Variants in RCOR3 observed in about 807,000 individuals in gnomAD.
RCOR3 encodes REST corepressor 3.
RCOR3 carries 13 observed loss-of-function variants against 64.1 expected under a neutral mutation model. The ratio of observed to expected loss-of-function variants is 0.20; its 90% CI spans 0.13 to 0.32. The LOEUF (loss-of-function observed/expected upper bound fraction) is 0.32, where lower values mean the gene tolerates loss of function less well. Ranked by LOEUF, RCOR3 falls within the 10% of genes least tolerant of loss-of-function variation. RCOR3 has a pLI of 1.00. For synonymous variants in RCOR3, 215 were observed against 239.0 expected (o/e 0.90, Z 0.93); for missense variants, 489 against 701.2 (o/e 0.70, Z 3.42).
rs912603011 is a variant in RCOR3 at position 211,259,881 on chromosome 1, C to G, written c.166+155C>G. The stretch of plus-strand genomic sequence containing the variant: ...TCCCGGTGCAGTGCAGCAGCACCCC[C>G]GCGACCCCCCGTCCCTCCGCCCTCG... On this transcript the variant is annotated intron_variant, in intron 1 of 11. Transcript: ENST00000419091. 67 of 1,098,670 alleles carry G rather than the reference C, an allele frequency of 6.1e-5. No individual in the cohort carries two copies. The African/African-American group carries it at 1.0e-3, about 17-fold the overall frequency. The allele number at this position is 1,098,670 out of a possible 1,614,324, so 68.1% of individuals were successfully genotyped here. A position where few individuals can be genotyped will look rare whatever the true frequency, so the allele number is the denominator to read the frequency against.
At chr1:211,293,086 A>AAAATAAATAAAT (rs10524651) in intron 8 of RCOR3, among the ~76,000 whole-genome samples, 24,845 of 142,756 alleles carry the variant, frequency 0.17, 2,742 homozygotes, top group African/African-American at 0.29. Context: ...TCTGTCTCCA[A>AAAATAAATAAAT]AAATAAATAA....
chr1:211,273,272 A>C (rs1044669102), intron 3 of RCOR3, among the ~76,000 whole-genome samples: 1 of 152,164 alleles, frequency 6.6e-6, no homozygotes, highest in African/African-American at 2.4e-5. Flanking sequence ...TAATCATAGG[A>C]GGAAGGTACT....
Position 211,259,463 on chromosome 1 carries a change from C to A in RCOR3, c.-98C>A. 1.6e-6 allele frequency: 2 copies of A among 1,265,048 alleles called. No homozygotes were observed. Among genetic ancestry groups the A allele is most frequent in the South Asian group, 1.4e-5 (1 of 69,794 alleles). The allele number at this position is 1,265,048 out of a possible 1,614,324, so 78.4% of individuals were successfully genotyped here. On this transcript the variant is annotated 5_prime_UTR_variant, in exon 1 of 12. Coordinates refer to ENST00000419091, the MANE Select transcript of RCOR3 (RefSeq NM_001136223.3). Reference sequence around the variant, plus strand: ...CCTCCGCCGCCGCCGCCGTCTCCTCCTCCTCCTCCTTTCCCTCCCGCCCGC... The same window carrying A: ...CCTCCGCCGCCGCCGCCGTCTCCTCATCCTCCTCCTTTCCCTCCCGCCCGC...
At chr1:211,305,954 A>G (rs548897952) in intron 10 of RCOR3, among the ~76,000 whole-genome samples, 1 of 152,306 alleles carries the variant, frequency 6.6e-6, no homozygotes, top group South Asian at 2.1e-4. Flanking sequence ...CCTGTAAGTT[A>G]CACTAATGCA....
At position 211,313,241 on chromosome 1, in the gene RCOR3, GT is replaced by G; in HGVS notation, c.1318-178del. 7.0e-7 allele frequency: 1 copy of G among 1,429,516 alleles called. No homozygotes were observed. The highest frequency in any genetic ancestry group is 9.1e-7 in the Non-Finnish European group (1 of 1,098,292). The allele number at this position is 1,429,516 out of a possible 1,614,324, so 88.6% of individuals were successfully genotyped here. On this transcript the variant is annotated intron_variant, in intron 11 of 11. Coordinates refer to ENST00000419091, the MANE Select transcript of RCOR3 (RefSeq NM_001136223.3). This position sits in a 1 kb window ranked among gnomAD's most constrained non-coding sequence, Gnocchi z 4.7. ...AGATGCCTGTTTGGTAGCCTCATTGGTTTTTGGTTTTTGGTTTTGTTTTGTT... is the reference window on the plus strand; with the variant it reads ...AGATGCCTGTTTGGTAGCCTCATTGGTTTTGGTTTTTGGTTTTGTTTTGTT...
intron 2 of RCOR3, chr1:211,261,344 G>A (rs1256287911): frequency 4.6e-5 from 7 of 152,206 alleles, no homozygotes; most frequent in Non-Finnish European, 8.8e-5. Context: ...TGTCCCAAGT[G>A]AGGAGGATGA....
At chr1:211,289,918 G>GTT (rs1189194960) in intron 8 of RCOR3, among the ~76,000 whole-genome samples, 1 of 152,140 alleles carries the variant, frequency 6.6e-6, no homozygotes, top group Non-Finnish European at 1.5e-5. Context: ...ATCTCTTCCT[G>GTT]TGTAACCTTA....
At chr1:211,282,094 A>G (rs1052326548) in intron 7 of RCOR3, among the ~76,000 whole-genome samples, 1 of 152,216 alleles carries the variant, frequency 6.6e-6, no homozygotes, top group Non-Finnish European at 1.5e-5. Flanking sequence ...TATATATGGA[A>G]TATATAGTTT....
intron 3 of RCOR3, among the ~76,000 whole-genome samples, chr1:211,273,530 G>C (rs1696534071): frequency 6.6e-6 from 1 of 152,210 alleles, no homozygotes; most frequent in African/African-American, 2.4e-5. Context: ...ACATAAAACT[G>C]AGTTCTGGTG....
At chr1:211,301,187 C>G (rs1408815203) in intron 9 of RCOR3, among the ~76,000 whole-genome samples, 1 of 152,110 alleles carries the variant, frequency 6.6e-6, no homozygotes, top group Non-Finnish European at 1.5e-5. Flanking sequence ...CCAGAGTCTT[C>G]AAAATTGTGT....
intron 8 of RCOR3, 65 bp from the exon 9 acceptor site, chr1:211,295,607 CTTAA>C (rs1699783723): frequency 7.9e-7 from 1 of 1,272,748 alleles, no homozygotes; most frequent in African/African-American, 1.5e-5. Flanking sequence ...ATTCTTTTCA[CTTAA>C]TTGAGTACTC....
At chr1:211,286,839 T>C (rs985820962) in intron 7 of RCOR3, among the ~76,000 whole-genome samples, 2 of 152,348 alleles carry the variant, frequency 1.3e-5, no homozygotes, top group South Asian at 4.1e-4. Flanking sequence ...TTTGTTTAGA[T>C]TTACCCACAT....
chr1:211,273,301 G>A (rs1431184203), intron 3 of RCOR3, among the ~76,000 whole-genome samples: 2 of 152,074 alleles, frequency 1.3e-5, no homozygotes, highest in Non-Finnish European at 2.9e-5. Flanking sequence ...CAACTATTTA[G>A]AGTGAGGAAA....
At chr1:211,275,749 G>A (rs543146143) in intron 4 of RCOR3, among the ~76,000 whole-genome samples, 4 of 152,132 alleles carry the variant, frequency 2.6e-5, no homozygotes, top group Non-Finnish European at 5.9e-5. Flanking sequence ...AATTGTTAAA[G>A]TTGCAGTGGA....
rs200165280 is a variant in RCOR3 at position 211,262,827 on chromosome 1, T to TC, written c.223+2663_223+2664insC. The stretch of plus-strand genomic sequence containing the variant: ...GTGATTTTGCATGGCCACTGGTTTT[T>TC]TTTTTTTTGAAGAAGCTATTTTTAT... On this transcript the variant is annotated intron_variant, in intron 2 of 11. Transcript: ENST00000419091. Among the ~76,000 whole-genome samples, 965 of 151,504 alleles carry TC rather than the reference T, an allele frequency of 6.4e-3. 7 individuals are homozygous for TC. The highest frequency in any genetic ancestry group is 0.01 in the Admixed American group (157 of 15,194).
At chr1:211,285,762 C>T (rs1018916284) in intron 7 of RCOR3, among the ~76,000 whole-genome samples, 1 of 152,224 alleles carries the variant, frequency 6.6e-6, no homozygotes, top group Non-Finnish European at 1.5e-5. Context: ...ATTCTTACTG[C>T]TTGCCTACTT....
At chr1:211,285,189 G>T (rs1437532498) in intron 7 of RCOR3, among the ~76,000 whole-genome samples, 1 of 152,060 alleles carries the variant, frequency 6.6e-6, no homozygotes, top group Non-Finnish European at 1.5e-5. Flanking sequence ...TTCTCTTGCT[G>T]AACTGGTTAG....
Position 211,315,402 on chromosome 1 carries a change from G to A in RCOR3, c.*1634G>A, listed in dbSNP as rs190500699. The A allele has an allele frequency of 5.3e-5, 8 of 152,098 alleles. No individual in the cohort carries two copies. The highest frequency in any genetic ancestry group is 1.2e-4 in the African/African-American group (5 of 41,488). 9.4% of individuals were successfully genotyped at this position (152,098 alleles called of 1,614,324 possible). A position where few individuals can be genotyped will look rare whatever the true frequency, so the allele number is the denominator to read the frequency against. On this transcript the variant is annotated 3_prime_UTR_variant, in exon 12 of 12. Transcript: ENST00000419091. The stretch of plus-strand genomic sequence containing the variant: ...CTGTGTATTTCCATAAATACCCTAC[G>A]TACTGGCATATTTGAAACTCTTTTT...
At chr1:211,294,848 G>A (rs1011753202) in intron 8 of RCOR3, among the ~76,000 whole-genome samples, 4 of 151,770 alleles carry the variant, frequency 2.6e-5, no homozygotes, top group African/African-American at 4.8e-5. Flanking sequence ...CTTGGCCTCC[G>A]AAAGTGCTGG....
Sources: gnomAD v4.1 joint callset for allele counts (sites outside exome capture counted in the v4.1 genomes callset) on GRCh38, gnomAD v4.1.1 for gene constraint, Gnocchi (gnomAD v3.1) non-coding constraint, MANE v1.5 for transcripts, NCBI Gene and HGNC (gene_info 2026-07-23, HGNC 2026-07-21) for gene names.